The following NFX1 variants were observed in gnomAD, a reference collection of about 807,000 sequenced individuals.
NFX1 encodes the protein transcriptional repressor NF-X1.
NFX1 carries 69 observed loss-of-function variants against 137.2 expected under a neutral mutation model. The observed-to-expected ratio is 0.50, with a 90% CI of 0.41 to 0.61. The LOEUF (loss-of-function observed/expected upper bound fraction) is 0.61. Ranked by LOEUF, NFX1 falls within the 20% of genes least tolerant of loss-of-function variation. NFX1 has a pLI of 0.00. For missense variants in NFX1, 1,167 were observed against 1,391.0 expected (o/e 0.84, Z 2.56); for synonymous variants, 495 against 474.1 (o/e 1.04, Z -0.57).
Position 33,294,819 on chromosome 9 carries a change from G to C in NFX1, c.425G>C (p.Ser142Thr). The C allele has an allele frequency of 6.2e-7, 1 of 1,614,156 alleles. No individual in the cohort carries two copies. The highest frequency in any genetic ancestry group is 8.5e-7 in the Non-Finnish European group (1 of 1,180,044). ...AGLESSTRSE[S>T]GTDLREHSPS... ...TTAGAGAGCTCGACCAGATCAGAGA[G>C]TGGGACAGACCTCAGAGAGCATAGT... Residue 142 changes from serine to threonine, a missense_variant, in exon 2 of 24, where the codon AGT becomes ACT. This residue lies in a region of NFX1 where 367 missense variants were observed against 386.7 expected (regional missense o/e 0.95). Transcript: ENST00000379540.
intron 18 of NFX1, among the ~76,000 whole-genome samples, chr9:33,354,524 T>G (rs1823749638): frequency 6.6e-6 from 1 of 152,070 alleles, no homozygotes; most frequent in African/African-American, 2.4e-5. Context: ...TGTGGAGCAT[T>G]TGGGGCTGAG....
chr9:33,358,958 C>T (rs949050001), intron 19 of NFX1, among the ~76,000 whole-genome samples: 1 of 151,986 alleles, frequency 6.6e-6, no homozygotes, highest in African/African-American at 2.4e-5. Context: ...CTCAGCCTTC[C>T]AAAGTGCTGG....
chr9:33,340,636 C>A (rs1216211744), intron 12 of NFX1, among the ~76,000 whole-genome samples: 1 of 152,208 alleles, frequency 6.6e-6, no homozygotes, highest in Non-Finnish European at 1.5e-5. Flanking sequence ...CATTGTCAGG[C>A]TGCAAATTTT....
At chr9:33,359,887 G>A (rs1191102946) in intron 19 of NFX1, among the ~76,000 whole-genome samples, 1 of 152,160 alleles carries the variant, frequency 6.6e-6, no homozygotes, top group Non-Finnish European at 1.5e-5. Flanking sequence ...TAAAAAGTTA[G>A]ACAAATGCAG....
chr9:33,297,781 C>A (rs946653424), intron 2 of NFX1, among the ~76,000 whole-genome samples: 1 of 152,132 alleles, frequency 6.6e-6, no homozygotes, highest in African/African-American at 2.4e-5. Context: ...TTGAGGCCTG[C>A]GGGAAAGCAG....
chr9:33,344,638 G>C (rs1310233637), intron 14 of NFX1, among the ~76,000 whole-genome samples: 2 of 152,112 alleles, frequency 1.3e-5, no homozygotes, highest in East Asian at 3.9e-4. Flanking sequence ...AGAGCAAGGA[G>C]GGGCAGATCA....
intron 18 of NFX1, 42 bp downstream of exon 18, chr9:33,354,229 A>G: frequency 6.8e-7 from 1 of 1,470,914 alleles, no homozygotes; most frequent in Non-Finnish European, 9.4e-7. Flanking sequence ...TTCTTCAATT[A>G]GACTTCAATT....
At chr9:33,344,387 A>G (rs1435749684) in intron 14 of NFX1, among the ~76,000 whole-genome samples, 199 bp downstream of exon 14, 1 of 152,174 alleles carries the variant, frequency 6.6e-6, no homozygotes. Flanking sequence ...GGTTTACTCT[A>G]GGGATGTCAA....
Position 33,351,693 on chromosome 9 carries a change from A to G in NFX1, c.2558A>G (p.Lys853Arg), listed in dbSNP as rs528782071. The change falls in exon 16 of 24, where the codon AAG becomes AGG. Residue 853 changes from lysine to arginine, a missense_variant. Transcript: ENST00000379540. ...KGECLVDEPC[K>R]QPCTTPRADC... is the part of the protein sequence containing the mutation. ...GAGTGTCTTGTGGATGAGCCCTGCAAGCAGCCCTGCACCACCCCCAGAGCT... is the reference window on the plus strand; with the variant it reads ...GAGTGTCTTGTGGATGAGCCCTGCAGGCAGCCCTGCACCACCCCCAGAGCT... 1 of 1,614,114 alleles carries G rather than the reference A, an allele frequency of 6.2e-7. No homozygotes were observed. Among genetic ancestry groups the G allele is most frequent in the African/African-American group, 1.3e-5 (1 of 75,048 alleles).
At chr9:33,332,887 G>A (rs12340742) in intron 11 of NFX1, among the ~76,000 whole-genome samples, 7,071 of 152,030 alleles carry the variant, frequency 0.047, 477 homozygotes, top group African/African-American at 0.15. Flanking sequence ...GCTCTGTTTC[G>A]CAGGCCAGAG....
chr9:33,299,600 A>G (rs777673435), intron 2 of NFX1, among the ~76,000 whole-genome samples: 1 of 152,132 alleles, frequency 6.6e-6, no homozygotes, highest in Non-Finnish European at 1.5e-5. Context: ...AGGTGGGAGG[A>G]TCGCTTGGGC....
At chr9:33,345,298 A>T (rs985938529) in intron 14 of NFX1, among the ~76,000 whole-genome samples, 1 of 151,700 alleles carries the variant, frequency 6.6e-6, no homozygotes, top group Non-Finnish European at 1.5e-5. Flanking sequence ...CCAACATGGT[A>T]AAACCCTGTC....
At chr9:33,298,903 A>G (rs1365785413) in intron 2 of NFX1, among the ~76,000 whole-genome samples, 1 of 152,238 alleles carries the variant, frequency 6.6e-6, no homozygotes, top group Non-Finnish European at 1.5e-5. Flanking sequence ...GACTGGAGTA[A>G]TAGTGTGGAA....
At chr9:33,364,137 T>C in intron 20 of NFX1, 29 bp downstream of exon 20, 3 of 1,522,958 alleles carry the variant, frequency 2.0e-6, no homozygotes, top group Non-Finnish European at 2.7e-6. Flanking sequence ...GCTTTCTTAA[T>C]TGTGGCTTGT....
chr9:33,297,775 G>T (rs1451386008), intron 2 of NFX1, among the ~76,000 whole-genome samples: 5 of 152,144 alleles, frequency 3.3e-5, no homozygotes, highest in Non-Finnish European at 7.4e-5. Context: ...GCTTCTTTGA[G>T]GCCTGCGGGA....
intron 12 of NFX1, among the ~76,000 whole-genome samples, chr9:33,341,395 G>A (rs1587858813): frequency 6.6e-6 from 1 of 152,068 alleles, no homozygotes; most frequent in East Asian, 1.9e-4. Flanking sequence ...CTCCTACCAG[G>A]TCCTTCCTAC....
chr9:33,346,124 G>A (rs746985970), intron 14 of NFX1, among the ~76,000 whole-genome samples: 1 of 152,134 alleles, frequency 6.6e-6, no homozygotes, highest in Non-Finnish European at 1.5e-5. Flanking sequence ...GGGATCTTAG[G>A]ATAGCCCTCC....
At chr9:33,359,320 C>T (rs976882212) in intron 19 of NFX1, among the ~76,000 whole-genome samples, 1 of 151,924 alleles carries the variant, frequency 6.6e-6, no homozygotes. Context: ...ATTCCTTGGC[C>T]GGGCGCGGTG....
At chr9:33,296,594 G>A (rs1328668020) in intron 2 of NFX1, among the ~76,000 whole-genome samples, 1 of 152,166 alleles carries the variant, frequency 6.6e-6, no homozygotes, top group Non-Finnish European at 1.5e-5. Flanking sequence ...AATTAGCCAG[G>A]CATGTTAGCA....
Sources: gnomAD v4.1 joint callset for allele counts (sites outside exome capture counted in the v4.1 genomes callset) on GRCh38, gnomAD v4.1.1 for gene constraint, gnomAD v4.1.1 regional missense constraint, MANE v1.5 for transcripts, NCBI Gene and HGNC (gene_info 2026-07-23, HGNC 2026-07-21) for gene names.